Variants in ABTB2 observed in about 807,000 individuals in gnomAD.
The protein encoded by ABTB2 is ankyrin repeat and BTB domain containing 2, also known as ankyrin repeat and BTB/POZ domain-containing protein 2.
Under a neutral mutation model 104.1 loss-of-function variants are expected in ABTB2, and 56 were observed. The observed-to-expected ratio is 0.54, with a 90% confidence interval of 0.43 to 0.67. The LOEUF is 0.67. Ranked by LOEUF, ABTB2 falls within the 30% of genes least tolerant of loss-of-function variation. The pLI, the probability that ABTB2 is intolerant of heterozygous loss-of-function variation, is 0.00. For missense variants in ABTB2, 1,279 were observed against 1,407.7 expected (o/e 0.91, Z 1.46); for synonymous variants, 606 against 608.2 (o/e 1.00, Z 0.05).
chr11:34,246,897 G>C (rs1853992216), intron 1 of ABTB2, among the ~76,000 whole-genome samples: 1 of 147,142 alleles, frequency 6.8e-6, no homozygotes, highest in Non-Finnish European at 1.5e-5. Context: ...ACCCAGGCTG[G>C]AGTACAATGG....
chr11:34,348,997 C>G (rs1210645456), intron 1 of ABTB2, among the ~76,000 whole-genome samples: 6 of 152,180 alleles, frequency 3.9e-5, no homozygotes, highest in African/African-American at 1.4e-4. Flanking sequence ...ATTAATGATG[C>G]CGGCATGGCA....
At chr11:34,340,570 A>G (rs1340711859) in intron 1 of ABTB2, among the ~76,000 whole-genome samples, 1 of 152,166 alleles carries the variant, frequency 6.6e-6, no homozygotes, top group Non-Finnish European at 1.5e-5. Flanking sequence ...ACAGCTCAAG[A>G]GAGGACTCTT....
intron 3 of ABTB2, among the ~76,000 whole-genome samples, chr11:34,193,300 G>A (rs1590212576): frequency 6.6e-6 from 1 of 152,256 alleles, no homozygotes; most frequent in African/African-American, 2.4e-5. Flanking sequence ...GGGATGCAAA[G>A]CTGCCAGTGA....
At chr11:34,163,492 C>G (rs1326479970) in intron 9 of ABTB2, among the ~76,000 whole-genome samples, 2 of 152,230 alleles carry the variant, frequency 1.3e-5, no homozygotes, top group African/African-American at 2.4e-5. Context: ...CAAGGCCACT[C>G]CAGGTGGGGG....
At chr11:34,155,397 C>T (rs991414923) in intron 14 of ABTB2, among the ~76,000 whole-genome samples, 1 of 152,264 alleles carries the variant, frequency 6.6e-6, no homozygotes, top group Non-Finnish European at 1.5e-5. Flanking sequence ...CAGGCTGAGC[C>T]CTGCCTTGGG....
In ABTB2 at chr11:34,241,287, G is replaced by C. The variant is rs144436777; in HGVS notation, c.884-36597C>G. On this transcript the variant is annotated intron_variant, in intron 1 of 16. Coordinates refer to ENST00000435224, the MANE Select transcript of ABTB2 (RefSeq NM_145804.3). ...TCACTGCTCCCAAGGCCTAAACGAGGGGAAAAGGAGAATGTCATTAAACAT... is the reference window on the plus strand; with the variant it reads ...TCACTGCTCCCAAGGCCTAAACGAGCGGAAAAGGAGAATGTCATTAAACAT... Among the ~76,000 whole-genome samples the C allele has an allele frequency of 4.5e-3, 683 of 152,304 alleles. 8 individuals carry two copies. Among genetic ancestry groups the C allele is most frequent in the African/African-American group, 0.016 (651 of 41,558 alleles).
chr11:34,299,966 G>T (rs1854679813), intron 1 of ABTB2, among the ~76,000 whole-genome samples: 1 of 152,168 alleles, frequency 6.6e-6, no homozygotes, highest in Admixed American at 6.5e-5. Context: ...GCACACAGAG[G>T]ACTGAATGAG....
chr11:34,246,909 A>G (rs919206839), intron 1 of ABTB2, among the ~76,000 whole-genome samples: 5 of 143,056 alleles, frequency 3.5e-5, no homozygotes, highest in African/African-American at 1.3e-4. Context: ...GTACAATGGC[A>G]TGATCTCGGC....
At chr11:34,160,419 C>T (rs574804053) in intron 11 of ABTB2, 66 bp from the exon 12 acceptor site, 388 of 1,167,678 alleles carry the variant, frequency 3.3e-4, no homozygotes, top group East Asian at 9.2e-4. Flanking sequence ...GATGCAGATA[C>T]GTCAGGCTAA....
At chr11:34,188,591 A>G (rs1853133155) in intron 3 of ABTB2, among the ~76,000 whole-genome samples, 1 of 152,192 alleles carries the variant, frequency 6.6e-6, no homozygotes, top group Non-Finnish European at 1.5e-5. Flanking sequence ...ATTTACTTCC[A>G]TTTTGGGTAA....
chr11:34,308,216 T>C (rs1854801913), intron 1 of ABTB2, among the ~76,000 whole-genome samples: 1 of 152,198 alleles, frequency 6.6e-6, no homozygotes, highest in Non-Finnish European at 1.5e-5. Flanking sequence ...ATGCAATGGA[T>C]GTTTGTGATT....
Position 34,159,339 on chromosome 11 carries a change from C to T in ABTB2, c.2654G>A (p.Ser885Asn). ...CATGTCGCTGATCTCGATGGTCTTGCTGCTGTCCCCATCCTGTTCTGATTT... is the reference window on the plus strand; with the variant it reads ...CATGTCGCTGATCTCGATGGTCTTGTTGCTGTCCCCATCCTGTTCTGATTT... Reference protein sequence around the residue: ...TNKSEQDGDSSKTIEISDMKY... With the variant: ...TNKSEQDGDSNKTIEISDMKY... The change falls in exon 14 of 17, where the codon AGC becomes AAC. Residue 885 changes from serine to asparagine, a missense_variant. Physicochemically the swap from Ser to Asn is conservative, Grantham distance 46. Transcript: ENST00000435224. The T allele has an allele frequency of 6.2e-7, 1 of 1,614,058 alleles. No individual in the cohort carries two copies. The highest frequency in any genetic ancestry group is 8.5e-7 in the Non-Finnish European group (1 of 1,179,952).
At position 34,172,455 on chromosome 11, in the gene ABTB2, T is replaced by TAGATAGAC. The variant is rs1283738330; in HGVS notation, c.1397+699_1397+700insGTCTATCT. Among the ~76,000 whole-genome samples, 1,076 of 120,028 alleles carry TAGATAGAC rather than the reference T, an allele frequency of 9.0e-3. 16 individuals are homozygous for TAGATAGAC. The highest frequency in any genetic ancestry group is 0.032 in the African/African-American group (976 of 30,122). The allele number at this position is 120,028 out of a possible 152,430, so 78.7% of individuals were successfully genotyped here. ...GTGTGTATATAGATAGATAGATAGA[T>TAGATAGAC]AGATAGATAGATAGATAGATAGATA... On this transcript the variant is annotated intron_variant, in intron 4 of 16. Coordinates refer to ENST00000435224, the MANE Select transcript of ABTB2 (RefSeq NM_145804.3).
chr11:34,172,200 C>G (rs7108719), intron 4 of ABTB2, among the ~76,000 whole-genome samples: 12,686 of 151,586 alleles, frequency 0.084, 551 homozygotes, highest in Admixed American at 0.11. Context: ...TGATGAAACC[C>G]AGTCTCTACT....
At position 34,357,936 on chromosome 11, in the gene ABTB2, A is replaced by G; in HGVS notation, c.-353T>C. The G allele has an allele frequency of 8.5e-6, 2 of 235,048 alleles. No individual in the cohort carries two copies. Among genetic ancestry groups the G allele is most frequent in the South Asian group, 1.3e-4 (1 of 7,738 alleles). 14.6% of individuals were successfully genotyped at this position (235,048 alleles called of 1,614,324 possible). A position where few individuals can be genotyped will look rare whatever the true frequency, so the allele number is the denominator to read the frequency against. On this transcript the variant is annotated 5_prime_UTR_variant, in exon 1 of 17. Transcript: ENST00000435224. ...ACAGGGCGGCGGCGGCAGAAGGAGG[A>G]GGCGGCGGCGCAGGGCGCAGGGCGC...
intron 1 of ABTB2, among the ~76,000 whole-genome samples, chr11:34,237,934 C>T (rs1376597961): frequency 2.0e-5 from 3 of 152,076 alleles, no homozygotes; most frequent in Admixed American, 6.6e-5. Flanking sequence ...CCCACCACCA[C>T]CCTGGACCAC....
At chr11:34,196,927 A>G (rs1853263503) in intron 3 of ABTB2, among the ~76,000 whole-genome samples, 1 of 152,228 alleles carries the variant, frequency 6.6e-6, no homozygotes, top group African/African-American at 2.4e-5. Flanking sequence ...GACAGCTACC[A>G]CTGGCCAAGG....
At chr11:34,167,417 CTGCAGGG>C (rs1852816149) in intron 6 of ABTB2, 57 bp from the exon 7 acceptor site, 31 of 1,433,502 alleles carry the variant, frequency 2.2e-5, no homozygotes, top group Non-Finnish European at 2.9e-5. Context: ...AGGGAGTACC[CTGCAGGG>C]ATGGTGAACC....
chr11:34,336,698 C>A (rs944668655), intron 1 of ABTB2, among the ~76,000 whole-genome samples: 13 of 151,992 alleles, frequency 8.6e-5, no homozygotes, highest in Admixed American at 2.0e-4. Context: ...TGCAGTTAGA[C>A]CCGGGTTTGT....
Sources: gnomAD v4.1 joint callset for allele counts (sites outside exome capture counted in the v4.1 genomes callset) on GRCh38, gnomAD v4.1.1 for gene constraint, MANE v1.5 for transcripts, NCBI Gene and HGNC (gene_info 2026-07-23, HGNC 2026-07-21) for gene names.